ATP8A1: variants seen among roughly 807,000 people sequenced by gnomAD.
ATP8A1 encodes phospholipid-transporting ATPase IA.
ATP8A1 carries 90 observed loss-of-function variants against 177.7 expected under a neutral mutation model. The observed-to-expected ratio is 0.51, with a 90% CI of 0.43 to 0.60. The LOEUF (loss-of-function observed/expected upper bound fraction) is 0.60, where lower values mean the gene tolerates loss of function less well. ATP8A1 is among the 20% of genes least tolerant of loss of function. The probability of loss-of-function intolerance (pLI) is 0.00; values close to 1 mark genes in which losing one functional copy is unlikely to be tolerated. For synonymous variants in ATP8A1, 493 were observed against 485.9 expected, an observed-to-expected ratio of 1.01 and a Z score of -0.19; for missense variants, 1,072 against 1,392.8, an observed-to-expected ratio of 0.77 and a Z score of 3.67.
intron 1 of ATP8A1, among the ~76,000 whole-genome samples, chr4:42,655,942 A>C (rs1005847216): frequency 3.3e-5 from 5 of 152,238 alleles, no homozygotes; most frequent in Non-Finnish European, 5.9e-5. Flanking sequence ...TGCAGGATTC[A>C]AGTACAGGTT....
rs372064110 is a variant in ATP8A1 at position 42,444,510 on chromosome 4, C to G, written c.3015+68G>C. 10 of 1,465,318 alleles carry G rather than the reference C, an allele frequency of 6.8e-6. No homozygotes were observed. In the Admixed American group the frequency reaches 6.9e-5, roughly 10 times the overall value. 90.8% of individuals were successfully genotyped at this position (1,465,318 alleles called of 1,614,324 possible). A position where few individuals can be genotyped will look rare whatever the true frequency, so the allele number is the denominator to read the frequency against. On this transcript the variant is annotated intron_variant, in intron 32 of 36. Transcript: ENST00000381668. ...ACATATCAAGTTAGAGTGAAGACCA[C>G]CACCAAGACTGGAGATAATGCACAA...
chr4:42,532,583 C>T (rs1244027939), intron 20 of ATP8A1, among the ~76,000 whole-genome samples: 2 of 152,146 alleles, frequency 1.3e-5, no homozygotes, highest in East Asian at 3.9e-4. Flanking sequence ...TTGCCCAAAG[C>T]AATCTATAGA....
intron 15 of ATP8A1, 129 bp downstream of exon 15, chr4:42,569,032 C>A: frequency 2.9e-6 from 1 of 345,696 alleles, no homozygotes; most frequent in Non-Finnish European, 4.9e-6. Flanking sequence ...CATTGTTACC[C>A]TAACTGCTCA....
chr4:42,547,395 T>TA (rs1729036713), intron 19 of ATP8A1, among the ~76,000 whole-genome samples: 1 of 152,218 alleles, frequency 6.6e-6, no homozygotes, highest in African/African-American at 2.4e-5. Context: ...AGGGACTATT[T>TA]AACAGCATCA....
chr4:42,509,653 C>G (rs1265710801), intron 22 of ATP8A1, among the ~76,000 whole-genome samples: 1 of 152,018 alleles, frequency 6.6e-6, no homozygotes, highest in Non-Finnish European at 1.5e-5. Flanking sequence ...GAGATCGAGA[C>G]CATCCTGGCT....
intron 33 of ATP8A1, among the ~76,000 whole-genome samples, chr4:42,441,426 G>A (rs1716630470): frequency 6.6e-6 from 1 of 151,990 alleles, no homozygotes; most frequent in African/African-American, 2.4e-5. Context: ...AGACCTAAGA[G>A]TAGTCACTAC....
rs1735157614 is a variant in ATP8A1, at chr4:42,600,670, G to A, written c.410-152C>T. 1.0e-5 allele frequency: 7 copies of A among 674,116 alleles called. No individual in the cohort carries two copies. In the South Asian group the frequency reaches 1.6e-4, roughly 15 times the overall value. The allele number at this position is 674,116 out of a possible 1,614,324, so 41.8% of individuals were successfully genotyped here. On this transcript the variant is annotated intron_variant, in intron 5 of 36. Transcript: ENST00000381668. ...ATTCTAATTATGATAGCAAGAATAT[G>A]TAAACTTACACAAAAATTAGAAACA...
At chr4:42,616,010 A>G in intron 5 of ATP8A1, 23 bp downstream of exon 5, 1 of 1,605,908 alleles carries the variant, frequency 6.2e-7, no homozygotes, top group Non-Finnish European at 8.5e-7. Context: ...CAAATATGAG[A>G]AAAAAGCATG....
chr4:42,528,593 C>T (rs571472772), intron 20 of ATP8A1, among the ~76,000 whole-genome samples: 15 of 152,070 alleles, frequency 9.9e-5, no homozygotes, highest in African/African-American at 3.4e-4. Context: ...ATGCAACCAC[C>T]GACTTGGCAA....
intron 30 of ATP8A1, among the ~76,000 whole-genome samples, chr4:42,449,015 T>C (rs894892370): frequency 6.6e-6 from 1 of 151,740 alleles, no homozygotes; most frequent in Admixed American, 6.6e-5. Context: ...TTTGTATTCT[T>C]AGTAGAGACG....
At chr4:42,553,696 G>T (rs539642132) in intron 16 of ATP8A1, among the ~76,000 whole-genome samples, 1 of 152,128 alleles carries the variant, frequency 6.6e-6, no homozygotes, top group African/African-American at 2.4e-5. Flanking sequence ...GTTCAAGCTA[G>T]AACAGTGGAC....
intron 4 of ATP8A1, among the ~76,000 whole-genome samples, chr4:42,619,260 C>T (rs1191786894): frequency 6.6e-6 from 1 of 152,096 alleles, no homozygotes; most frequent in African/African-American, 2.4e-5. Context: ...TTGGTTCCTA[C>T]GCATTGTAGG....
At chr4:42,420,745 A>T (rs1713807761) in intron 35 of ATP8A1, among the ~76,000 whole-genome samples, 1 of 150,700 alleles carries the variant, frequency 6.6e-6, no homozygotes, top group Non-Finnish European at 1.5e-5. Flanking sequence ...ACATTGTTTT[A>T]TTCACAATTT....
intron 35 of ATP8A1, among the ~76,000 whole-genome samples, chr4:42,421,380 GGA>G (rs1159573065): frequency 1.3e-5 from 2 of 152,146 alleles, no homozygotes; most frequent in African/African-American, 4.8e-5. Flanking sequence ...GTTCAGAGCA[GGA>G]GCTCTGGGAT....
At chr4:42,601,714 A>T (rs1292997559) in intron 5 of ATP8A1, among the ~76,000 whole-genome samples, 1 of 152,148 alleles carries the variant, frequency 6.6e-6, no homozygotes, top group Non-Finnish European at 1.5e-5. Flanking sequence ...TATTCCCTGG[A>T]AACAGCACAG....
intron 24 of ATP8A1, 138 bp from the exon 25 acceptor site, chr4:42,485,806 G>C: frequency 1.4e-6 from 1 of 716,396 alleles, no homozygotes; most frequent in South Asian, 2.0e-5. Context: ...CATACTTTCA[G>C]TCATTTGATT....
intron 12 of ATP8A1, among the ~76,000 whole-genome samples, chr4:42,576,475 CAAAAAA>C (rs1159794343): frequency 5.2e-4 from 17 of 32,404 alleles, no homozygotes; most frequent in East Asian, 9.3e-4. Flanking sequence ...GACGCCGTCT[CAAAAAA>C]AAAAAAAAAA....
intron 33 of ATP8A1, among the ~76,000 whole-genome samples, chr4:42,435,653 T>TAG (rs1715908014): frequency 6.6e-6 from 1 of 152,156 alleles, no homozygotes; most frequent in African/African-American, 2.4e-5. Context: ...CACAGTGCTC[T>TAG]CTCCAGCTCT....
At chr4:42,653,381 C>T (rs1320606270) in intron 1 of ATP8A1, among the ~76,000 whole-genome samples, 2 of 152,138 alleles carry the variant, frequency 1.3e-5, no homozygotes, top group Non-Finnish European at 2.9e-5. Flanking sequence ...CCTCCAGGGC[C>T]ATGCTTTTCC....
Sources: allele counts gnomAD v4.1 joint callset (sites outside exome capture counted in the v4.1 genomes callset), GRCh38; gene constraint gnomAD v4.1.1; transcripts MANE v1.5; gene names NCBI Gene and HGNC (gene_info 2026-07-23, HGNC 2026-07-21).